The following AIMP1 variants were observed in gnomAD, a reference collection of about 807,000 sequenced individuals.
AIMP1 encodes the protein aminoacyl tRNA synthase complex-interacting multifunctional protein 1.
Under a neutral mutation model 33.1 loss-of-function variants are expected in AIMP1, and 24 were observed. That is an observed-to-expected ratio of 0.73 (90% confidence interval 0.53 to 1.02). The LOEUF (loss-of-function observed/expected upper bound fraction) is 1.02. AIMP1 is among the 50% of genes least tolerant of loss of function. The pLI is 0.00. For missense variants in AIMP1, 367 were observed against 364.8 expected (o/e 1.01, Z -0.05); for synonymous variants, 120 against 121.5 (o/e 0.99, Z 0.08).
chr4:106,325,951 T>C (rs1405728914), intron 2 of AIMP1, among the ~76,000 whole-genome samples: 1 of 152,140 alleles, frequency 6.6e-6, no homozygotes, highest in Non-Finnish European at 1.5e-5. Flanking sequence ...ATTATACCAC[T>C]AAAGGCAGTG....
chr4:106,321,965 CAT>C (rs559343896), intron 1 of AIMP1, among the ~76,000 whole-genome samples: 4 of 131,550 alleles, frequency 3.0e-5, no homozygotes, highest in Admixed American at 2.2e-4. Flanking sequence ...CTCTCTGAAA[CAT>C]GTGCTGTGTC....
At chr4:106,317,812 C>T (rs922145726) in intron 1 of AIMP1, among the ~76,000 whole-genome samples, 2 of 152,256 alleles carry the variant, frequency 1.3e-5, no homozygotes, top group South Asian at 4.2e-4. Context: ...GAAATCACAT[C>T]TGTCAAGATT....
At chr4:106,329,772 CTTTTTTTTTTTTTTTTT>C (rs59016309) in intron 4 of AIMP1, among the ~76,000 whole-genome samples, 2 of 53,062 alleles carry the variant, frequency 3.8e-5, no homozygotes, top group African/African-American at 6.7e-5. Flanking sequence ...TGCTACATAT[CTTTTTTTTTTTTTTTTT>C]TTTTTTTTTT....
intron 4 of AIMP1, among the ~76,000 whole-genome samples, chr4:106,329,023 T>A (rs1769561622): frequency 6.6e-6 from 1 of 151,710 alleles, no homozygotes; most frequent in Admixed American, 6.6e-5. Flanking sequence ...ATATTTCTCA[T>A]TATACTTAAA....
chr4:106,327,500 T>C lies in AIMP1; in HGVS notation c.159T>C (p.Ala53=), dbSNP rs1561024899. 2 of 1,613,182 alleles carry C rather than the reference T, an allele frequency of 1.2e-6. No individual in the cohort carries two copies. The highest frequency in any genetic ancestry group is 4.5e-5 in the East Asian group (2 of 44,776). ...REEKKLRVEN[A]KLKKEIEELK... Reference sequence around the variant, plus strand: ...AGAAGAAACTTCGAGTTGAAAATGCTAAACTGAAGAAAGAAATTGAAGAAC... The same window carrying C: ...AGAAGAAACTTCGAGTTGAAAATGCCAAACTGAAGAAAGAAATTGAAGAAC... Residue 53 remains alanine, a synonymous_variant, in exon 3 of 7, where the codon GCT becomes GCC. Transcript: ENST00000672341.
chr4:106,345,473 A>C (rs1770260632), intron 6 of AIMP1, among the ~76,000 whole-genome samples: 1 of 152,204 alleles, frequency 6.6e-6, no homozygotes, highest in South Asian at 2.1e-4. Flanking sequence ...AATCTTATGG[A>C]TCTAAGGAGC....
Position 106,331,878 on chromosome 4 carries a change from G to C in AIMP1, c.598G>C (p.Glu200Gln). ...VSGLVNHVPL[E>Q]QMQNRMVILL... ...TGGCCTGGTGAATCATGTTCCTCTT[G>C]AACAGGTAATCTGTACAACTGAAAT... Residue 200 changes from glutamate to glutamine, a missense_variant, in exon 5 of 7, where the codon GAA becomes CAA. Transcript: ENST00000672341. The C allele has an allele frequency of 6.2e-7, 1 of 1,613,858 alleles. No homozygotes were observed. Among genetic ancestry groups the C allele is most frequent in the Non-Finnish European group, 8.5e-7 (1 of 1,179,810 alleles).
intron 5 of AIMP1, among the ~76,000 whole-genome samples, chr4:106,333,583 C>T (rs1314373639): frequency 1.3e-5 from 2 of 152,144 alleles, no homozygotes; most frequent in Non-Finnish European, 2.9e-5. Flanking sequence ...CTCCACTTTT[C>T]CTTTCTTCTG....
At position 106,347,780 on chromosome 4, in the gene AIMP1, G is replaced by A. The variant is rs1770360627; in HGVS notation, c.*88G>A. On this transcript the variant is annotated 3_prime_UTR_variant, in exon 7 of 7. Coordinates refer to ENST00000672341, the MANE Select transcript of AIMP1 (RefSeq NM_001142416.2). ...GTCACTTATACCTAAAATATGAGTG[G>A]CTCATTTTTGCATTACTCTCTTCTA... 3 of 1,380,240 alleles carry A rather than the reference G, an allele frequency of 2.2e-6. No individual in the cohort carries two copies. The highest frequency in any genetic ancestry group is 2.0e-5 in the Admixed American group (1 of 49,246). 85.5% of individuals were successfully genotyped at this position (1,380,240 alleles called of 1,614,324 possible).
At chr4:106,329,607 T>A (rs1769589420) in intron 4 of AIMP1, among the ~76,000 whole-genome samples, 1 of 152,096 alleles carries the variant, frequency 6.6e-6, no homozygotes, top group Admixed American at 6.5e-5. Context: ...ATTTAAATAA[T>A]TTTAAATTTA....
rs1203397338 is a variant in AIMP1 at position 106,325,251 on chromosome 4, A to G, written c.109+133A>G. 16 of 841,484 alleles carry G rather than the reference A, an allele frequency of 1.9e-5. No individual in the cohort carries two copies. The South Asian group carries it at 2.4e-4, about 13-fold the overall frequency. 52.1% of individuals were successfully genotyped at this position (841,484 alleles called of 1,614,324 possible). ...TTCTGTTATATGTAGAAAAATATCA[A>G]ACCTGAATTTCTACCTTCAGGACTT... is the stretch of plus-strand genomic sequence containing the variant. On this transcript the variant is annotated intron_variant, in intron 2 of 6. Transcript: ENST00000672341.
intron 6 of AIMP1, among the ~76,000 whole-genome samples, chr4:106,337,743 A>G (rs1025471835): frequency 1.3e-5 from 2 of 152,206 alleles, no homozygotes; most frequent in African/African-American, 4.8e-5. Context: ...AGAAAAAGAT[A>G]GGAAAATGTG....
In AIMP1 at chr4:106,336,913, A is replaced by G; in HGVS notation, c.648A>G (p.Ala216=). 1 of 1,614,116 alleles carries G rather than the reference A, an allele frequency of 6.2e-7. No individual in the cohort carries two copies. Among genetic ancestry groups the G allele is most frequent in the South Asian group, 1.1e-5 (1 of 91,078 alleles). ...TTTTACTTTGTAACCTGAAACCTGCAAAGATGAGGGGAGTATTATCTCAAG... is the reference window on the plus strand; with the variant it reads ...TTTTACTTTGTAACCTGAAACCTGCGAAGATGAGGGGAGTATTATCTCAAG... The part of the protein sequence containing the change: ...MVILLCNLKP[A]KMRGVLSQAM... Residue 216 remains alanine, a synonymous_variant, in exon 6 of 7, where the codon GCA becomes GCG. Transcript: ENST00000672341.
chr4:106,321,059 C>T (rs1769204486), intron 1 of AIMP1, among the ~76,000 whole-genome samples: 1 of 152,174 alleles, frequency 6.6e-6, no homozygotes, highest in African/African-American at 2.4e-5. Flanking sequence ...TCAATGTTGC[C>T]CATGCTGGAG....
intron 1 of AIMP1, among the ~76,000 whole-genome samples, chr4:106,319,106 TAG>T (rs926406408): frequency 1.3e-5 from 2 of 152,184 alleles, no homozygotes; most frequent in African/African-American, 4.8e-5. Context: ...AGGTTTTGAG[TAG>T]AGACACTTTC....
intron 1 of AIMP1, 115 bp downstream of exon 1, chr4:106,316,709 A>G: frequency 2.0e-6 from 2 of 1,009,072 alleles, no homozygotes; most frequent in Admixed American, 2.4e-5. Context: ...GCTAATGGGT[A>G]GTCCGTTCGC....
In AIMP1 at chr4:106,347,796, C is replaced by A; in HGVS notation, c.*104C>A. ...ATATGAGTGGCTCATTTTTGCATTACTCTCTTCTAGACTTGACTAGTCATT... is the reference window on the plus strand; with the variant it reads ...ATATGAGTGGCTCATTTTTGCATTAATCTCTTCTAGACTTGACTAGTCATT... On this transcript the variant is annotated 3_prime_UTR_variant, in exon 7 of 7. Coordinates refer to ENST00000672341, the MANE Select transcript of AIMP1 (RefSeq NM_001142416.2). 7.9e-7 allele frequency: 1 copy of A among 1,257,912 alleles called. No homozygotes were observed. The highest frequency in any genetic ancestry group is 1.1e-6 in the Non-Finnish European group (1 of 892,912). 77.9% of individuals were successfully genotyped at this position (1,257,912 alleles called of 1,614,324 possible). A position where few individuals can be genotyped will look rare whatever the true frequency, so the allele number is the denominator to read the frequency against.
chr4:106,340,409 A>G (rs1770053320), intron 6 of AIMP1, among the ~76,000 whole-genome samples: 1 of 152,116 alleles, frequency 6.6e-6, no homozygotes, highest in Non-Finnish European at 1.5e-5. Flanking sequence ...AGTACCTAAT[A>G]GGTAATTTTA....
At position 106,316,587 on chromosome 4, in the gene AIMP1, C is replaced by T. The variant is rs1163186197; in HGVS notation, c.-33C>T. 3.2e-6 allele frequency: 5 copies of T among 1,551,310 alleles called. No homozygotes were observed. Among genetic ancestry groups the T allele is most frequent in the African/African-American group, 1.4e-5 (1 of 73,008 alleles). ...GGCTGTCTCGGAACCCGTGGTCCTC[C>T]GCTTCATGTGAGTGACGTCGTGGCG... is the stretch of plus-strand genomic sequence containing the variant. On this transcript the variant is annotated 5_prime_UTR_variant, in exon 1 of 7. Coordinates refer to ENST00000672341, the MANE Select transcript of AIMP1 (RefSeq NM_001142416.2).
Sources: gnomAD v4.1 joint callset for allele counts (sites outside exome capture counted in the v4.1 genomes callset) on GRCh38, gnomAD v4.1.1 for gene constraint, MANE v1.5 for transcripts, NCBI Gene and HGNC (gene_info 2026-07-23, HGNC 2026-07-21) for gene names.